Variants in NHS observed in about 807,000 individuals in gnomAD.
NHS encodes the protein NHS actin remodeling regulator.
In NHS, 5 loss-of-function variants were observed where a neutral mutation model predicts 72.5. That is an observed-to-expected ratio of 0.07 (90% CI 0.04 to 0.14). NHS has a LOEUF of 0.14. Ranked by LOEUF, NHS falls within the 10% of genes least tolerant of loss-of-function variation. NHS has a pLI of 1.00. For missense variants in NHS, 1,072 were observed against 1,355.7 expected, an observed-to-expected ratio of 0.79 and a Z score of 3.29; for synonymous variants, 464 against 547.7, an observed-to-expected ratio of 0.85 and a Z score of 2.13.
chrX:17,513,684 C>A (rs2065102167), intron 1 of NHS, among the ~76,000 whole-genome samples: 1 of 111,887 alleles, frequency 8.9e-6, no homozygotes, highest in South Asian at 3.8e-4. Context: ...ACCAGTGGGT[C>A]TCAACTGGGG....
intron 1 of NHS, among the ~76,000 whole-genome samples, chrX:17,645,086 A>C (rs1286504705): frequency 8.9e-6 from 1 of 111,999 alleles, no homozygotes; most frequent in African/African-American, 3.2e-5. Context: ...AGTGTCATTA[A>C]TCTTCAAAAA....
At chrX:17,386,812 GT>G (rs1167591025) in intron 1 of NHS, among the ~76,000 whole-genome samples, 3 of 111,711 alleles carry the variant, frequency 2.7e-5, no homozygotes, top group African/African-American at 9.8e-5. Flanking sequence ...TTAACATGAG[GT>G]TTTCTTTATT....
At chrX:17,425,347 G>T (rs1319490560) in intron 1 of NHS, among the ~76,000 whole-genome samples, 1 of 109,233 alleles carries the variant, frequency 9.2e-6, no homozygotes, top group Non-Finnish European at 1.9e-5. Context: ...AGTTCCATTT[G>T]TTAGCTGTCA....
intron 1 of NHS, among the ~76,000 whole-genome samples, chrX:17,570,459 G>C (rs188585358): frequency 6.7e-4 from 75 of 111,666 alleles, no homozygotes; most frequent in Middle Eastern, 4.7e-3. Context: ...CTCATGATTT[G>C]GCTCTCTGTT....
At chrX:17,583,614 C>T (rs773747548) in intron 1 of NHS, among the ~76,000 whole-genome samples, 3 of 112,178 alleles carry the variant, frequency 2.7e-5, no homozygotes, top group Middle Eastern at 9.2e-3. Flanking sequence ...CTGGCTGTTG[C>T]GAGGAGGAAT....
intron 1 of NHS, among the ~76,000 whole-genome samples, chrX:17,438,155 C>T (rs1008721404): frequency 8.9e-6 from 1 of 111,938 alleles, no homozygotes; most frequent in African/African-American, 3.3e-5. Flanking sequence ...ATTTAAAATG[C>T]AGATTCAGTA....
At chrX:17,452,733 T>G (rs1048214053) in intron 1 of NHS, among the ~76,000 whole-genome samples, 4 of 111,823 alleles carry the variant, frequency 3.6e-5, no homozygotes, top group African/African-American at 1.3e-4. Flanking sequence ...AATAGTTAGG[T>G]TGCCCTTGAA....
chrX:17,508,958 T>C (rs1234170177), intron 1 of NHS, among the ~76,000 whole-genome samples: 2 of 111,697 alleles, frequency 1.8e-5, no homozygotes, highest in Non-Finnish European at 3.8e-5. Flanking sequence ...GGGTTGGAGA[T>C]AGGATTCAAA....
At chrX:17,694,247 T>C (rs960568247) in intron 3 of NHS, among the ~76,000 whole-genome samples, 3 of 112,180 alleles carry the variant, frequency 2.7e-5, no homozygotes, top group African/African-American at 9.7e-5. Context: ...TTAGTATTTC[T>C]AAGTAATTTT....
At chrX:17,711,012 C>T (rs2147129089) in intron 3 of NHS, among the ~76,000 whole-genome samples, 1 of 112,147 alleles carries the variant, frequency 8.9e-6, no homozygotes, top group Admixed American at 9.4e-5. Context: ...GCTGTCACTT[C>T]TGGGCTGTTC....
At position 17,732,186 on chromosome X, in the gene NHS, A is replaced by C; in HGVS notation, c.4678A>C (p.Thr1560Pro). ...GCTCACAGCAGAGTCCCCTCAGAGC[A>C]CCGATGATGCCCATCAGGGGTCACA... ...GELTAESPQS[T>P]DDAHQGSQGA... Residue 1560 changes from threonine to proline, a missense_variant, in exon 9 of 9, where the codon ACC (threonine) becomes CCC (proline). By Grantham distance (38) the Thr-to-Pro change is conservative. Transcript: ENST00000676302. The C allele has an allele frequency of 8.3e-7, 1 of 1,211,798 alleles. No homozygotes were observed. The highest frequency in any genetic ancestry group is 1.1e-6 in the Non-Finnish European group (1 of 895,489).
At chrX:17,572,312 T>C (rs1331100845) in intron 1 of NHS, among the ~76,000 whole-genome samples, 2 of 110,171 alleles carry the variant, frequency 1.8e-5, no homozygotes, top group Non-Finnish European at 3.8e-5. Flanking sequence ...AGTCTCTTTG[T>C]AGATCTCTAA....
Position 17,727,597 on chromosome X carries a change from A to G in NHS, c.3491A>G (p.Tyr1164Cys). 1 of 1,211,420 alleles carries G rather than the reference A, an allele frequency of 8.3e-7. No individual in the cohort carries two copies. The change falls in exon 7 of 9, where the codon TAT becomes TGT. Residue 1164 changes from tyrosine (Y) to cysteine (C), a missense_variant. Physicochemically the swap from Tyr to Cys is radical, Grantham distance 194. Coordinates refer to ENST00000676302, the MANE Select transcript of NHS (RefSeq NM_001291867.2). ...QKEENNTDLP[Y>C]LEESTLTTAA... ...GAAGAAAACAATACAGATCTCCCTT[A>G]TTTAGAGGAAAGCACACTCACAACG...
intron 1 of NHS, among the ~76,000 whole-genome samples, chrX:17,563,526 A>G (rs1182382572): frequency 8.9e-6 from 1 of 112,484 alleles, no homozygotes; most frequent in African/African-American, 3.2e-5. Flanking sequence ...CAATTAATTG[A>G]CTTGAAGCTG....
intron 1 of NHS, 72 bp downstream of exon 1, chrX:17,376,394 G>C: frequency 5.2e-6 from 5 of 965,338 alleles, no homozygotes; most frequent in South Asian, 4.2e-5. Flanking sequence ...CCCCAGCAGC[G>C]GCAATCCCAG....
chrX:17,708,975 T>A (rs2066312342), intron 3 of NHS, among the ~76,000 whole-genome samples: 2 of 110,958 alleles, frequency 1.8e-5, no homozygotes, highest in Admixed American at 1.9e-4. Flanking sequence ...AATATCAGGG[T>A]ATGTGTGTAT....
chrX:17,723,923 T>C (rs2066425263), intron 5 of NHS, among the ~76,000 whole-genome samples: 1 of 111,514 alleles, frequency 9.0e-6, no homozygotes, highest in African/African-American at 3.3e-5. Flanking sequence ...TGATTTACTA[T>C]GCAAAGGTAT....
chrX:17,689,975 G>A (rs1350342302), intron 2 of NHS, among the ~76,000 whole-genome samples: 2 of 112,121 alleles, frequency 1.8e-5, no homozygotes, highest in Non-Finnish European at 3.8e-5. Flanking sequence ...AGAACAGCAA[G>A]TGCCGATATC....
intron 1 of NHS, among the ~76,000 whole-genome samples, chrX:17,607,586 C>T (rs1316089205): frequency 2.7e-5 from 3 of 111,154 alleles, no homozygotes; most frequent in Non-Finnish European, 5.7e-5. Flanking sequence ...CCTGCCTAAC[C>T]CCATCACAAA....
Sources: allele counts gnomAD v4.1 joint callset (sites outside exome capture counted in the v4.1 genomes callset), GRCh38; gene constraint gnomAD v4.1.1; transcripts MANE v1.5; gene names NCBI Gene and HGNC (gene_info 2026-07-23, HGNC 2026-07-21).